Variants in CTNNA3 observed in about 807,000 individuals in gnomAD.
The protein encoded by CTNNA3 is catenin alpha-3.
In CTNNA3, 76 loss-of-function variants were observed where a neutral mutation model predicts 95.7. That is an observed-to-expected ratio of 0.79 (90% CI 0.66 to 0.96). CTNNA3 has a LOEUF of 0.96. Ranked by LOEUF, CTNNA3 falls within the 40% of genes least tolerant of loss-of-function variation. CTNNA3 has a pLI of 0.00. For synonymous variants in CTNNA3, 431 were observed against 374.4 expected, an observed-to-expected ratio of 1.15 and a Z score of -1.74; for missense variants, 1,191 against 1,089.8, an observed-to-expected ratio of 1.09 and a Z score of -1.31.
intron 10 of CTNNA3, among the ~76,000 whole-genome samples, chr10:66,615,021 G>A (rs1204740562): frequency 6.6e-6 from 1 of 151,780 alleles, no homozygotes; most frequent in African/African-American, 2.4e-5. Context: ...TTTTTGTCAA[G>A]GTACACCCTA....
At chr10:66,046,646 C>A (rs566438334) in intron 15 of CTNNA3, among the ~76,000 whole-genome samples, 5 of 151,160 alleles carry the variant, frequency 3.3e-5, no homozygotes, top group Non-Finnish European at 5.9e-5. Flanking sequence ...AATCAAGACA[C>A]GCAAAAAATT....
intron 7 of CTNNA3, among the ~76,000 whole-genome samples, chr10:67,102,145 A>C (rs1249372960): frequency 6.6e-6 from 1 of 151,762 alleles, no homozygotes; most frequent in Non-Finnish European, 1.5e-5. Context: ...AATAAGAAAG[A>C]GCTTCCAACT....
Position 67,219,785 on chromosome 10 carries a change from C to T in CTNNA3, c.665G>A (p.Cys222Tyr), listed in dbSNP as rs1300493690. Residue 222 changes from cysteine (C) to tyrosine (Y), a missense_variant, in exon 6 of 18, where the codon TGT becomes TAT. Transcript: ENST00000433211. ...KENSPLLHSI[C>Y]SACLEHSDVA... ...ATCAGAATGCTCCAAACAAGCTGAACAAATTGAATGCAAGAGGGGAGAGTT... is the reference window on the plus strand; with the variant it reads ...ATCAGAATGCTCCAAACAAGCTGAATAAATTGAATGCAAGAGGGGAGAGTT... The T allele has an allele frequency of 1.9e-6, 3 of 1,614,072 alleles. No homozygotes were observed. Among genetic ancestry groups the T allele is most frequent in the Non-Finnish European group, 2.5e-6 (3 of 1,180,000 alleles).
At chr10:66,045,615 T>G (rs1468975160) in intron 15 of CTNNA3, among the ~76,000 whole-genome samples, 1 of 152,204 alleles carries the variant, frequency 6.6e-6, no homozygotes, top group Non-Finnish European at 1.5e-5. Context: ...AAAAAGAAAG[T>G]GTTCATTGCT....
At chr10:66,449,671 GCAC>G in intron 11 of CTNNA3, among the ~76,000 whole-genome samples, 1 of 152,006 alleles carries the variant, frequency 6.6e-6, no homozygotes, top group Non-Finnish European at 1.5e-5. Context: ...TTACCAAAGG[GCAC>G]TCATCCAGAA....
rs369723912 is a variant in CTNNA3, at chr10:67,208,211, A to AAACAC, written c.843+11391_843+11395dup. Among the ~76,000 whole-genome samples, 204 of 151,394 alleles carry AAACAC rather than the reference A, an allele frequency of 1.3e-3. 3 individuals carry two copies. Among genetic ancestry groups the AAACAC allele is most frequent in the African/African-American group, 4.9e-3 (200 of 41,116 alleles). ...GATGGTGAAACCACGTCTCTACTAA[A>AAACAC]AACACACACACAAAAAAAATTAGCT... On this transcript the variant is annotated intron_variant, in intron 6 of 17. Coordinates refer to ENST00000433211, the MANE Select transcript of CTNNA3 (RefSeq NM_013266.4).
chr10:67,629,089 A>G (rs1839053708), intron 2 of CTNNA3, among the ~76,000 whole-genome samples: 1 of 152,162 alleles, frequency 6.6e-6, no homozygotes, highest in Admixed American at 6.5e-5. Flanking sequence ...CTGAACTGAT[A>G]AAAGACTGAA....
At chr10:67,504,788 T>C (rs1839382077) in intron 5 of CTNNA3, among the ~76,000 whole-genome samples, 1 of 152,226 alleles carries the variant, frequency 6.6e-6, no homozygotes, top group Non-Finnish European at 1.5e-5. Context: ...ATTTACTCTC[T>C]GTTTTTAAGA....
intron 11 of CTNNA3, among the ~76,000 whole-genome samples, chr10:66,474,743 G>A (rs1330201234): frequency 1.3e-5 from 2 of 151,874 alleles, no homozygotes; most frequent in East Asian, 3.9e-4. Context: ...ACCATTCTGA[G>A]GTGAAGTGGT....
intron 13 of CTNNA3, among the ~76,000 whole-genome samples, chr10:66,272,286 G>A (rs2091298775): frequency 6.6e-6 from 1 of 152,124 alleles, no homozygotes. Flanking sequence ...GTCCTGTGAG[G>A]TTGAAGAGCA....
At chr10:66,254,556 C>A (rs944794194) in intron 13 of CTNNA3, among the ~76,000 whole-genome samples, 1 of 152,158 alleles carries the variant, frequency 6.6e-6, no homozygotes, top group Admixed American at 6.5e-5. Flanking sequence ...CTGCAGCATG[C>A]TTTCTATCTA....
In CTNNA3 at chr10:66,876,794, A is replaced by G. The variant is rs183367178; in HGVS notation, c.1048-101270T>C. Among the ~76,000 whole-genome samples the G allele has an allele frequency of 1.2e-3, 187 of 152,228 alleles. 1 individual carries two copies. The highest frequency in any genetic ancestry group is 4.1e-3 in the African/African-American group (171 of 41,552). On this transcript the variant is annotated intron_variant, in intron 7 of 17. Transcript: ENST00000433211. Reference sequence around the variant, plus strand: ...AGGGAACAGAAATAGGAACAAGAGGAAAAAGACAAGAAAGAGAAGTCCCCA... The same window carrying G: ...AGGGAACAGAAATAGGAACAAGAGGGAAAAGACAAGAAAGAGAAGTCCCCA...
intron 5 of CTNNA3, among the ~76,000 whole-genome samples, chr10:67,359,293 G>T (rs1218917791): frequency 6.7e-6 from 1 of 149,054 alleles, no homozygotes; most frequent in Non-Finnish European, 1.5e-5. Context: ...CAGGTGAGAA[G>T]AAATCAGTAC....
intron 17 of CTNNA3, among the ~76,000 whole-genome samples, chr10:65,926,872 A>T (rs2133126947): frequency 6.6e-6 from 1 of 152,260 alleles, no homozygotes; most frequent in East Asian, 1.9e-4. Flanking sequence ...GCATCTCATT[A>T]ATTACTAATG....
chr10:66,838,544 C>G (rs1043654680), intron 7 of CTNNA3, among the ~76,000 whole-genome samples: 3 of 151,978 alleles, frequency 2.0e-5, no homozygotes, highest in Non-Finnish European at 1.5e-5. Context: ...CGTCTAAATT[C>G]AGCAAATAAA....
intron 11 of CTNNA3, among the ~76,000 whole-genome samples, chr10:66,446,350 A>C (rs1439789143): frequency 2.0e-5 from 3 of 150,576 alleles, no homozygotes; most frequent in Admixed American, 6.7e-5. Flanking sequence ...CTGATACCAA[A>C]GCCTGGCAGA....
intron 11 of CTNNA3, among the ~76,000 whole-genome samples, chr10:66,516,405 T>A (rs1840860121): frequency 6.6e-6 from 1 of 152,196 alleles, no homozygotes; most frequent in Non-Finnish European, 1.5e-5. Context: ...AACAAATCTC[T>A]GATTTTGTTT....
At chr10:67,698,262 G>C (rs183427903), upstream of CTNNA3, among the ~76,000 whole-genome samples, 3 of 149,394 alleles carry the variant, frequency 2.0e-5, no homozygotes, top group African/African-American at 7.4e-5. Context: ...AGAGAAAAAA[G>C]AGAGAGAATA....
At chr10:66,275,751 A>T (rs1242282965) in intron 13 of CTNNA3, among the ~76,000 whole-genome samples, 1 of 152,164 alleles carries the variant, frequency 6.6e-6, no homozygotes, top group Non-Finnish European at 1.5e-5. Context: ...TAGCAGTTTG[A>T]GTATGAAACT....
Sources: gnomAD v4.1 joint callset for allele counts (sites outside exome capture counted in the v4.1 genomes callset) on GRCh38, gnomAD v4.1.1 for gene constraint, MANE v1.5 for transcripts, NCBI Gene and HGNC (gene_info 2026-07-23, HGNC 2026-07-21) for gene names.